Variants in NBEA observed in about 807,000 individuals in gnomAD.
NBEA encodes the protein lysosomal-trafficking regulator 2.
Under a neutral mutation model 343.4 loss-of-function variants are expected in NBEA, and 44 were observed. That is an observed-to-expected ratio of 0.13 (90% CI 0.10 to 0.16). The LOEUF is 0.16. Ranked by LOEUF, NBEA falls within the 10% of genes least tolerant of loss-of-function variation. The pLI, the probability that NBEA is intolerant of heterozygous loss-of-function variation, is 1.00. For synonymous variants in NBEA, 1,175 were observed against 1,238.7 expected, an observed-to-expected ratio of 0.95 and a Z score of 1.08; for missense variants, 2,555 against 3,631.3, an observed-to-expected ratio of 0.70 and a Z score of 7.62.
chr13:35,147,244 AT>A (rs1240218908), intron 18 of NBEA, among the ~76,000 whole-genome samples: 1 of 152,244 alleles, frequency 6.6e-6, no homozygotes, highest in African/African-American at 2.4e-5. Flanking sequence ...GATTGTTAGC[AT>A]AAGCCTGGGC....
intron 33 of NBEA, among the ~76,000 whole-genome samples, chr13:35,223,754 C>T (rs996012693): frequency 6.6e-6 from 1 of 152,050 alleles, no homozygotes; most frequent in African/African-American, 2.4e-5. Context: ...TTTTCTATTG[C>T]TAGAATAACA....
intron 36 of NBEA, among the ~76,000 whole-genome samples, chr13:35,336,105 G>A (rs1272951030): frequency 6.6e-6 from 1 of 152,030 alleles, no homozygotes; most frequent in Non-Finnish European, 1.5e-5. Context: ...CTAAGGTAAT[G>A]AAACACAGAT....
intron 38 of NBEA, among the ~76,000 whole-genome samples, chr13:35,377,686 G>C (rs2041817350): frequency 6.6e-6 from 1 of 152,002 alleles, no homozygotes; most frequent in Non-Finnish European, 1.5e-5. Context: ...ATTTTAAATT[G>C]CTTTCTCAGC....
intron 17 of NBEA, among the ~76,000 whole-genome samples, chr13:35,124,589 CATAT>C (rs562846187): frequency 6.7e-6 from 1 of 149,144 alleles, no homozygotes; most frequent in African/African-American, 2.5e-5. Context: ...TATACATACA[CATAT>C]ATGGATATAT....
intron 41 of NBEA, among the ~76,000 whole-genome samples, chr13:35,523,578 GA>G (rs1319509925): frequency 6.6e-6 from 1 of 152,142 alleles, no homozygotes; most frequent in Non-Finnish European, 1.5e-5. Context: ...CACTCAGGAG[GA>G]GGAAGCTGCC....
At chr13:35,264,465 T>C (rs1268282611) in intron 34 of NBEA, among the ~76,000 whole-genome samples, 1 of 151,992 alleles carries the variant, frequency 6.6e-6, no homozygotes, top group Non-Finnish European at 1.5e-5. Context: ...TGTAATACGA[T>C]ATCCCTGATG....
chr13:35,443,929 A>G (rs912783083), intron 39 of NBEA, among the ~76,000 whole-genome samples: 3 of 151,956 alleles, frequency 2.0e-5, no homozygotes, highest in African/African-American at 4.8e-5. Context: ...GATCTTTCCT[A>G]TTATCGTAAT....
intron 41 of NBEA, among the ~76,000 whole-genome samples, chr13:35,514,871 T>C (rs1417579107): frequency 3.9e-5 from 6 of 152,196 alleles, no homozygotes; most frequent in Non-Finnish European, 8.8e-5. Context: ...ACAAGAGCTC[T>C]TGTTCTGGCG....
intron 10 of NBEA, among the ~76,000 whole-genome samples, chr13:35,083,571 CA>C (rs1178899660): frequency 6.6e-6 from 1 of 152,052 alleles, no homozygotes; most frequent in Non-Finnish European, 1.5e-5. Flanking sequence ...GAGATTTTGT[CA>C]CCACCAGGCC....
In NBEA at chr13:35,672,730, G is replaced by C. The variant is rs1013717187; in HGVS notation, c.*1739G>C. The C allele has an allele frequency of 6.6e-6, 1 of 152,610 alleles. No individual in the cohort carries two copies. Among genetic ancestry groups the C allele is most frequent in the Non-Finnish European group, 1.5e-5 (1 of 68,038 alleles). 9.5% of individuals were successfully genotyped at this position (152,610 alleles called of 1,614,324 possible). A position where few individuals can be genotyped will look rare whatever the true frequency, so the allele number is the denominator to read the frequency against. On this transcript the variant is annotated 3_prime_UTR_variant, in exon 59 of 59. Coordinates refer to ENST00000379939, the MANE Select transcript of NBEA (RefSeq NM_001385012.1). ...AAAAAAGAAAAATAAAATATGCAAA[G>C]AATTCACCGACTGTTTCAGATTTCA...
chr13:35,644,106 T>C (rs948445250), intron 49 of NBEA, among the ~76,000 whole-genome samples: 2 of 152,180 alleles, frequency 1.3e-5, no homozygotes, highest in Admixed American at 6.5e-5. Flanking sequence ...GACTACCAGA[T>C]AGCTAAAAGG....
chr13:35,251,721 A>T, intron 34 of NBEA: 1 of 307,274 alleles, frequency 3.3e-6, no homozygotes, highest in Non-Finnish European at 5.7e-6. Context: ...CCCGGGGATG[A>T]CTACCCGATG....
chr13:35,131,709 A>G lies in NBEA; in HGVS notation c.2336+8135A>G, dbSNP rs574011144. Among the ~76,000 whole-genome samples, 11 of 152,320 alleles carry G rather than the reference A, an allele frequency of 7.2e-5. No individual in the cohort carries two copies. The South Asian group carries it at 1.7e-3, about 23-fold the overall frequency. Reference sequence around the variant, plus strand: ...TTGGCATTTATGAAACACTCCACTTAAAGCTAGCAAAATTGTTTTCAAGTG... The same window carrying G: ...TTGGCATTTATGAAACACTCCACTTGAAGCTAGCAAAATTGTTTTCAAGTG... On this transcript the variant is annotated intron_variant, in intron 17 of 58. Coordinates refer to ENST00000379939, the MANE Select transcript of NBEA (RefSeq NM_001385012.1).
intron 41 of NBEA, among the ~76,000 whole-genome samples, chr13:35,548,414 A>G (rs1431091279): frequency 1.3e-5 from 2 of 152,190 alleles, no homozygotes; most frequent in Non-Finnish European, 2.9e-5. Context: ...GAAGGAAAAA[A>G]TAAGTCAAAA....
intron 43 of NBEA, among the ~76,000 whole-genome samples, chr13:35,552,991 A>G (rs976696693): frequency 3.3e-5 from 5 of 151,948 alleles, no homozygotes; most frequent in Non-Finnish European, 7.4e-5. Flanking sequence ...CCCCAGGCTC[A>G]GGAGATCCTC....
intron 38 of NBEA, among the ~76,000 whole-genome samples, chr13:35,383,143 A>G (rs754829979): frequency 1.3e-5 from 2 of 152,144 alleles, no homozygotes; most frequent in Admixed American, 6.5e-5. Flanking sequence ...AGAAATTTAG[A>G]CATAGGCTTT....
chr13:35,385,347 A>G (rs183087177), intron 38 of NBEA, among the ~76,000 whole-genome samples: 6 of 152,236 alleles, frequency 3.9e-5, no homozygotes, highest in African/African-American at 1.2e-4. Flanking sequence ...TGGTTGAACA[A>G]TATAAATCAT....
chr13:35,414,403 C>A lies in NBEA; in HGVS notation c.6180-17866C>A, dbSNP rs145744429. On this transcript the variant is annotated intron_variant, in intron 38 of 58. Transcript: ENST00000379939. ...CCCTCCCCCCACCTCACGACAGGCC[C>A]CAGTGTGTGATGGTCCCCACCCTGT... Among the ~76,000 whole-genome samples, 502 of 152,046 alleles carry A rather than the reference C, an allele frequency of 3.3e-3. 3 individuals carry two copies. Among genetic ancestry groups the A allele is most frequent in the African/African-American group, 0.011 (462 of 41,484 alleles).
chr13:35,173,821 G>T (rs540487436), intron 27 of NBEA, among the ~76,000 whole-genome samples: 3 of 152,182 alleles, frequency 2.0e-5, no homozygotes, highest in East Asian at 1.9e-4. Context: ...ACTTAATAAA[G>T]TTCTTACAAA....
Sources: gnomAD v4.1 joint callset for allele counts (sites outside exome capture counted in the v4.1 genomes callset) on GRCh38, gnomAD v4.1.1 for gene constraint, MANE v1.5 for transcripts, NCBI Gene and HGNC (gene_info 2026-07-23, HGNC 2026-07-21) for gene names.